VPS13A: variants seen among roughly 807,000 people sequenced by gnomAD.
VPS13A encodes vacuolar protein sorting 13 homolog A.
A neutral mutation model predicts 390.9 loss-of-function variants in VPS13A; 264 were observed. That is an observed-to-expected ratio of 0.68 (90% CI 0.61 to 0.75). VPS13A has a LOEUF of 0.75. Among genes scored for constraint, VPS13A ranks in the 30% least tolerant of loss-of-function variants. VPS13A has a pLI of 0.00. For missense variants in VPS13A, 3,409 were observed against 3,733.9 expected, an observed-to-expected ratio of 0.91 and a Z score of 2.27; for synonymous variants, 1,231 against 1,227.1, an observed-to-expected ratio of 1.00 and a Z score of -0.07.
chr9:77,313,688 A>C (rs182836998), intron 35 of VPS13A, among the ~76,000 whole-genome samples: 2 of 152,148 alleles, frequency 1.3e-5, no homozygotes, highest in Non-Finnish European at 2.9e-5. Flanking sequence ...GTGCTATTTT[A>C]CTTAATCTCC....
intron 30 of VPS13A, 29 bp downstream of exon 30, chr9:77,283,500 A>G: frequency 6.2e-7 from 1 of 1,606,796 alleles, no homozygotes; most frequent in African/African-American, 1.3e-5. Flanking sequence ...AAGCAAATTA[A>G]AAGACATTAA....
chr9:77,404,495 T>C (rs1187205037), intron 69 of VPS13A, among the ~76,000 whole-genome samples: 7 of 152,236 alleles, frequency 4.6e-5, no homozygotes, highest in Admixed American at 4.6e-4. Flanking sequence ...TCAGCGATCA[T>C]TTTTGCTCAT....
At chr9:77,312,084 C>G (rs1222364983) in intron 35 of VPS13A, among the ~76,000 whole-genome samples, 3 of 151,982 alleles carry the variant, frequency 2.0e-5, no homozygotes, top group Admixed American at 1.3e-4. Context: ...ATTAAATCTT[C>G]TACCACCAGA....
chr9:77,371,226 C>A, intron 67 of VPS13A, 77 bp downstream of exon 67: 1 of 1,592,482 alleles, frequency 6.3e-7, no homozygotes, highest in Non-Finnish European at 8.6e-7. Flanking sequence ...TCTTTGGCTT[C>A]AGGCATTTAG....
In VPS13A at chr9:77,356,884, C is replaced by G. The variant is rs777183991; in HGVS notation, c.7806+17C>G. The G allele has an allele frequency of 1.2e-6, 2 of 1,612,794 alleles. No homozygotes were observed. Among genetic ancestry groups the G allele is most frequent in the African/African-American group, 2.7e-5 (2 of 74,890 alleles). On this transcript the variant is annotated intron_variant, in intron 55 of 71. Transcript: ENST00000360280. ...AATGTTCCGGTAATATTTTTAAGTA[C>G]TGATGTGAAGTTTTAATTTTTTGCC...
At chr9:77,210,503 C>A in intron 6 of VPS13A, 113 bp from the exon 7 acceptor site, 1 of 1,028,230 alleles carries the variant, frequency 9.7e-7, no homozygotes. Flanking sequence ...CTTGGCCTTC[C>A]AGAGTGCTGG....
chr9:77,263,708 T>A (rs1825880467), intron 23 of VPS13A, among the ~76,000 whole-genome samples: 1 of 152,218 alleles, frequency 6.6e-6, no homozygotes, highest in South Asian at 2.1e-4. Context: ...CTGCTCACTC[T>A]GATGATAATT....
intron 70 of VPS13A, among the ~76,000 whole-genome samples, chr9:77,407,124 G>A (rs528257347): frequency 2.8e-4 from 43 of 152,176 alleles, no homozygotes; most frequent in South Asian, 8.3e-4. Context: ...GTTTATGTAC[G>A]TATGCATACA....
At chr9:77,248,492 A>T (rs1824961095) in intron 20 of VPS13A, among the ~76,000 whole-genome samples, 1 of 152,028 alleles carries the variant, frequency 6.6e-6, no homozygotes, top group Non-Finnish European at 1.5e-5. Context: ...TGCTGGGATT[A>T]CAGGCGTGAG....
intron 71 of VPS13A, 172 bp downstream of exon 71, chr9:77,407,779 CT>C (rs1466986660): frequency 3.0e-5 from 17 of 559,164 alleles, no homozygotes; most frequent in Non-Finnish European, 4.1e-5. Flanking sequence ...TTACCCCAGA[CT>C]TTTTTTTCTA....
At chr9:77,207,235 ATATATATATATATATAT>A (rs1564630276) in intron 5 of VPS13A, among the ~76,000 whole-genome samples, 4,317 of 109,006 alleles carry the variant, frequency 0.04, 485 homozygotes, top group South Asian at 0.059. Context: ...ATATATATAT[ATATATATATATATATAT>A]AAAACGTGTT....
chr9:77,347,299 G>A (rs1402127142), intron 52 of VPS13A, among the ~76,000 whole-genome samples: 1 of 133,948 alleles, frequency 7.5e-6, no homozygotes, highest in African/African-American at 3.0e-5. Flanking sequence ...TCATAATATT[G>A]AATCTACCAT....
chr9:77,413,548 C>T (rs1835037035), intron 71 of VPS13A, among the ~76,000 whole-genome samples: 1 of 152,130 alleles, frequency 6.6e-6, no homozygotes, highest in Admixed American at 6.5e-5. Flanking sequence ...ATGTAGAAAG[C>T]TGAAACTGGA....
intron 23 of VPS13A, among the ~76,000 whole-genome samples, chr9:77,269,748 A>G (rs1826244246): frequency 6.6e-6 from 1 of 152,212 alleles, no homozygotes; most frequent in Non-Finnish European, 1.5e-5. Flanking sequence ...AAATTTGTAC[A>G]TAGTGTATGG....
chr9:77,340,398 T>C lies in VPS13A; in HGVS notation c.6880-6T>C, dbSNP rs756698125. The C allele has an allele frequency of 1.9e-6, 3 of 1,613,204 alleles. No individual in the cohort carries two copies. The highest frequency in any genetic ancestry group is 2.5e-6 in the Non-Finnish European group (3 of 1,179,546). ...AGTTTTTGAGCTGTTAATTTTTTTT[T>C]CTTAGGTTGGTGTCACTATAGACCT... On this transcript the variant is annotated splice_polypyrimidine_tract_variant and splice_region_variant and intron_variant, in intron 49 of 71. Coordinates refer to ENST00000360280, the MANE Select transcript of VPS13A (RefSeq NM_033305.3).
chr9:77,279,951 C>T (rs1826918359), intron 26 of VPS13A: 1 of 422,320 alleles, frequency 2.4e-6, no homozygotes, highest in African/African-American at 2.0e-5. Context: ...TGTTGTGGCA[C>T]ATGAGGAGGT....
At chr9:77,288,832 A>G (rs1024676184) in intron 31 of VPS13A, among the ~76,000 whole-genome samples, 1 of 152,036 alleles carries the variant, frequency 6.6e-6, no homozygotes, top group Non-Finnish European at 1.5e-5. Flanking sequence ...GCCTCTGATT[A>G]TAACCATTGA....
At chr9:77,210,488 C>T in intron 6 of VPS13A, 128 bp from the exon 7 acceptor site, 1 of 845,888 alleles carries the variant, frequency 1.2e-6, no homozygotes, top group Non-Finnish European at 1.9e-6. Flanking sequence ...AAGCAGTCCT[C>T]CTGCCTTGGC....
chr9:77,295,990 AT>A (rs1395250644), intron 33 of VPS13A, 144 bp downstream of exon 33: 1 of 915,888 alleles, frequency 1.1e-6, no homozygotes, highest in Admixed American at 2.8e-5. Context: ...CCTTAAGTAT[AT>A]TTTGGCAAAA....
Sources: allele counts gnomAD v4.1 joint callset (sites outside exome capture counted in the v4.1 genomes callset), GRCh38; gene constraint gnomAD v4.1.1; transcripts MANE v1.5; gene names NCBI Gene and HGNC (gene_info 2026-07-23, HGNC 2026-07-21).